The following AP1M1 variants were observed in gnomAD, a reference collection of about 807,000 sequenced individuals.
AP1M1 encodes adaptor related protein complex 1 subunit mu 1.
In AP1M1, 18 loss-of-function variants were observed where a neutral mutation model predicts 57.1. That is an observed-to-expected ratio of 0.32 (90% CI 0.22 to 0.47). AP1M1 has a LOEUF of 0.47. AP1M1 is among the 20% of genes least tolerant of loss of function. AP1M1 has a pLI of 1.00. For synonymous variants in AP1M1, 241 were observed against 237.9 expected (o/e 1.01, Z -0.12); for missense variants, 362 against 593.5 (o/e 0.61, Z 4.05).
intron 5 of AP1M1, among the ~76,000 whole-genome samples, chr19:16,217,939 G>A (rs1010699915): frequency 1.3e-5 from 2 of 152,136 alleles, no homozygotes; most frequent in South Asian, 2.1e-4. Context: ...GGGCAGAAGC[G>A]CCTCCCCATA....
rs1391691066 is a variant in AP1M1, at chr19:16,215,203, GGGGGGGGGAGA to G, written c.546+6033_546+6043del. 2.5e-4 allele frequency among the ~76,000 whole-genome samples: 12 copies of G among 47,680 alleles called. 2 individuals carry two copies. Among genetic ancestry groups the G allele is most frequent in the Non-Finnish European group, 4.9e-4 (8 of 16,168 alleles). 31.3% of individuals were successfully genotyped at this position (47,680 alleles called of 152,430 possible). ...CTTTGGGAGGCTAAGGCGGGGGCGG[GGGGGGGGGAGA>G]GGGGGGAGGGGGGAGGGGAGGGGAT... On this transcript the variant is annotated intron_variant, in intron 5 of 11. Coordinates refer to ENST00000291439, the MANE Select transcript of AP1M1 (RefSeq NM_032493.4).
chr19:16,228,864 C>T lies in AP1M1; in HGVS notation c.983C>T (p.Thr328Met), dbSNP rs1351766838. 5 of 1,614,202 alleles carry T rather than the reference C, an allele frequency of 3.1e-6. No homozygotes were observed. Among genetic ancestry groups the T allele is most frequent in the East Asian group, 2.2e-5 (1 of 44,866 alleles). Reference protein sequence around the residue: ...NDADSPKFKTTVGSVKWVPEN... With the variant: ...NDADSPKFKTMVGSVKWVPEN... The stretch of plus-strand genomic sequence containing the variant: ...GCCGACTCACCCAAGTTCAAGACGA[C>T]GGTGGGGAGCGTTAAGTGGGTCCCC... The change falls in exon 9 of 12, where the codon ACG becomes ATG. Residue 328 changes from threonine to methionine, a missense_variant. By Grantham distance (81) the Thr-to-Met change is moderately conservative. Transcript: ENST00000291439. This position sits in a 1 kb window ranked among gnomAD's most constrained non-coding sequence, Gnocchi z 5.0.
At chr19:16,221,431 C>G (rs1334115425) in intron 5 of AP1M1, among the ~76,000 whole-genome samples, 1 of 152,250 alleles carries the variant, frequency 6.6e-6, no homozygotes, top group East Asian at 1.9e-4. Flanking sequence ...CAGCTTGTCC[C>G]TGCTGCTGTG....
At position 16,244,404 on chromosome 19, in the gene AP1M1, A is replaced by C. The variant is rs2091655493; in HGVS notation, c.*9969A>C. The C allele has an allele frequency of 6.6e-6, 1 of 152,258 alleles. No individual in the cohort carries two copies. The highest frequency in any genetic ancestry group is 2.4e-5 in the African/African-American group (1 of 41,470). 9.4% of individuals were successfully genotyped at this position (152,258 alleles called of 1,614,324 possible). A position where few individuals can be genotyped will look rare whatever the true frequency, so the allele number is the denominator to read the frequency against. On this transcript the variant is annotated 3_prime_UTR_variant, in exon 12 of 12. Transcript: ENST00000291439. ...GACGGAAGGGCATGATGCAAGAAGA[A>C]ATAAAAGCAAAGAAGTAGAAAATAC...
At chr19:16,208,935 G>A in intron 4 of AP1M1, 95 bp from the exon 5 acceptor site, 1 of 1,481,316 alleles carries the variant, frequency 6.8e-7, no homozygotes. Context: ...AACCTGCCCT[G>A]TACCCCCCAC....
At chr19:16,234,314 G>A (rs2091613619) in intron 11 of AP1M1, 40 bp downstream of exon 11, 3 of 1,613,074 alleles carry the variant, frequency 1.9e-6, no homozygotes, top group Non-Finnish European at 2.5e-6. Context: ...TTGTACTGAG[G>A]GGTCCTCTGT....
intron 9 of AP1M1, among the ~76,000 whole-genome samples, chr19:16,229,607 T>C (rs990622177): frequency 1.2e-4 from 18 of 152,196 alleles, no homozygotes; most frequent in Non-Finnish European, 7.3e-5. Flanking sequence ...CCAGGGGGAC[T>C]TGGGGACAGC....
In AP1M1 at chr19:16,228,530, G is replaced by A. The variant is rs1466756704; in HGVS notation, c.889-240G>A. 6.6e-6 allele frequency among the ~76,000 whole-genome samples: 1 copy of A among 152,208 alleles called. No homozygotes were observed. Among genetic ancestry groups the A allele is most frequent in the Non-Finnish European group, 1.5e-5 (1 of 68,018 alleles). On this transcript the variant is annotated intron_variant, in intron 8 of 11. Coordinates refer to ENST00000291439, the MANE Select transcript of AP1M1 (RefSeq NM_032493.4). This position sits in a 1 kb window ranked among gnomAD's most constrained non-coding sequence, Gnocchi z 5.0. ...GACATTGTCCTAGGAGGGCAGGGCAGAGGGAGGGATGAGGAGCCTTGGAAG... is the reference window on the plus strand; with the variant it reads ...GACATTGTCCTAGGAGGGCAGGGCAAAGGGAGGGATGAGGAGCCTTGGAAG...
chr19:16,216,831 A>G (rs574141308), intron 5 of AP1M1, among the ~76,000 whole-genome samples: 44 of 152,352 alleles, frequency 2.9e-4, no homozygotes, highest in Non-Finnish European at 6.2e-4. Flanking sequence ...GCTCCCAGAC[A>G]GCTGGTCACA....
At position 16,234,644 on chromosome 19, in the gene AP1M1, A is replaced by G; in HGVS notation, c.*209A>G. On this transcript the variant is annotated 3_prime_UTR_variant, in exon 12 of 12. Transcript: ENST00000291439. ...CTTTCCCAGAAGAGGCTGGTCTTCA[A>G]GAAGTCTCGTTTCTTTGCCCCTGAA... is the stretch of plus-strand genomic sequence containing the variant. 1 of 621,096 alleles carries G rather than the reference A, an allele frequency of 1.6e-6. No individual in the cohort carries two copies. The highest frequency in any genetic ancestry group is 2.0e-5 in the South Asian group (1 of 50,992). 38.5% of individuals were successfully genotyped at this position (621,096 alleles called of 1,614,324 possible).
At position 16,208,089 on chromosome 19, in the gene AP1M1, T is replaced by C; in HGVS notation, c.338T>C (p.Leu113Pro). ...IRDNFVIIYE[L>P]LDELMDFGYP... is the part of the protein sequence containing the mutation. ...GACAACTTTGTTATCATCTACGAGC[T>C]GCTGGACGAGCTCATGGACTTCGGC... is the stretch of plus-strand genomic sequence containing the variant. The change falls in exon 4 of 12, where the codon CTG becomes CCG. Residue 113 changes from leucine (L) to proline (P), a missense_variant. Transcript: ENST00000291439. 1 of 1,613,982 alleles carries C rather than the reference T, an allele frequency of 6.2e-7. No individual in the cohort carries two copies. Among genetic ancestry groups the C allele is most frequent in the Non-Finnish European group, 8.5e-7 (1 of 1,179,932 alleles).
At chr19:16,224,908 C>T (rs544801137) in intron 5 of AP1M1, among the ~76,000 whole-genome samples, 52 of 152,312 alleles carry the variant, frequency 3.4e-4, no homozygotes, top group Non-Finnish European at 5.0e-4. Context: ...CTGCCACACA[C>T]GCTGTTTCTG....
intron 9 of AP1M1, among the ~76,000 whole-genome samples, chr19:16,231,218 G>A (rs2363117): frequency 6.1e-4 from 92 of 150,784 alleles, no homozygotes; most frequent in African/African-American, 2.1e-3. Flanking sequence ...AACTCGGGAG[G>A]CGGAGCTTGC....
intron 5 of AP1M1, among the ~76,000 whole-genome samples, chr19:16,225,316 GGGCCCAGGTATCCAAGTCGGT>G (rs1300761200): frequency 6.6e-6 from 1 of 152,250 alleles, no homozygotes; most frequent in Non-Finnish European, 1.5e-5. Context: ...GCCAGCATCT[GGGCCCAGGTATCCAAGTCGGT>G]GGCCTTTGGC....
chr19:16,228,653 G>A lies in AP1M1; in HGVS notation c.889-117G>A. 2 of 1,161,766 alleles carry A rather than the reference G, an allele frequency of 1.7e-6. No homozygotes were observed. Among genetic ancestry groups the A allele is most frequent in the Non-Finnish European group, 2.4e-6 (2 of 816,330 alleles). 72.0% of individuals were successfully genotyped at this position (1,161,766 alleles called of 1,614,324 possible). On this transcript the variant is annotated intron_variant, in intron 8 of 11. Transcript: ENST00000291439. The surrounding 1 kb of genome is among the most constrained non-coding windows in gnomAD (Gnocchi z 5.0). ...GGTGGGTAGTGCCTGGAGAAGTGGG[G>A]CCAGGGGCGGGGCTAGGGAGGATCC...
chr19:16,222,205 A>ATTTTTTT (rs1213761084), intron 5 of AP1M1, among the ~76,000 whole-genome samples: 3 of 60,374 alleles, frequency 5.0e-5, no homozygotes, highest in African/African-American at 1.2e-4. Context: ...TACTATTATT[A>ATTTTTTT]TTATTATTTT....
chr19:16,211,274 A>T (rs897874032), intron 5 of AP1M1, among the ~76,000 whole-genome samples: 3 of 151,928 alleles, frequency 2.0e-5, no homozygotes, highest in African/African-American at 4.8e-5. Context: ...TTGTATTTTT[A>T]GTCGAGACAG....
At position 16,240,851 on chromosome 19, in the gene AP1M1, A is replaced by G. The variant is rs958906967; in HGVS notation, c.*6416A>G. On this transcript the variant is annotated 3_prime_UTR_variant, in exon 12 of 12. Coordinates refer to ENST00000291439, the MANE Select transcript of AP1M1 (RefSeq NM_032493.4). ...AATAATCATAGTCGAACCACAGAAC[A>G]TATCAGACTCAGGGAAGATCCTAAC... is the stretch of plus-strand genomic sequence containing the variant. The G allele has an allele frequency of 4.6e-5, 7 of 152,248 alleles. No individual in the cohort carries two copies. The highest frequency in any genetic ancestry group is 1.7e-4 in the African/African-American group (7 of 41,466). The allele number at this position is 152,248 out of a possible 1,614,324, so 9.4% of individuals were successfully genotyped here. A position where few individuals can be genotyped will look rare whatever the true frequency, so the allele number is the denominator to read the frequency against.
chr19:16,198,748 T>G (rs2047494196), intron 1 of AP1M1, among the ~76,000 whole-genome samples: 1 of 152,126 alleles, frequency 6.6e-6, no homozygotes, highest in South Asian at 2.1e-4. Flanking sequence ...GAGCACCTAC[T>G]AATGCCGGGC....
Sources: gnomAD v4.1 joint callset for allele counts (sites outside exome capture counted in the v4.1 genomes callset) on GRCh38, gnomAD v4.1.1 for gene constraint, Gnocchi (gnomAD v3.1) non-coding constraint, MANE v1.5 for transcripts, NCBI Gene and HGNC (gene_info 2026-07-23, HGNC 2026-07-21) for gene names.